The following PXDNL variants were observed in gnomAD, a reference collection of about 807,000 sequenced individuals.
PXDNL encodes the protein peroxidasin like.
In PXDNL, 145 loss-of-function variants were observed where a neutral mutation model predicts 150.8. The observed-to-expected ratio is 0.96, with a 90% confidence interval of 0.84 to 1.10. The LOEUF is 1.10. Ranked by LOEUF, PXDNL falls within the 50% of genes least tolerant of loss-of-function variation. PXDNL has a pLI of 0.00. For missense variants in PXDNL, 2,087 were observed against 1,873.9 expected, an observed-to-expected ratio of 1.11 and a Z score of -2.10; for synonymous variants, 757 against 725.7, an observed-to-expected ratio of 1.04 and a Z score of -0.69.
At chr8:51,385,177 T>G (rs1807661411) in intron 17 of PXDNL, among the ~76,000 whole-genome samples, 1 of 152,208 alleles carries the variant, frequency 6.6e-6, no homozygotes, top group Non-Finnish European at 1.5e-5. Context: ...CTTTCTCCAC[T>G]GGTTACATAC....
intron 5 of PXDNL, among the ~76,000 whole-genome samples, chr8:51,495,049 A>AAGGAAAAGAACAGAAATTACAAC (rs1811011843): frequency 6.6e-6 from 1 of 152,222 alleles, no homozygotes; most frequent in Non-Finnish European, 1.5e-5. Context: ...TCCTCAGCAA[A>AAGGAAAAGAACAGAAATTACAAC]AGGAAAAGAA....
chr8:51,475,051 C>G lies in PXDNL; in HGVS notation c.615G>C (p.Gln205His), dbSNP rs1189671068. 3 of 1,613,748 alleles carry G rather than the reference C, an allele frequency of 1.9e-6. No individual in the cohort carries two copies. In the East Asian group the frequency reaches 6.7e-5, roughly 36 times the overall value. ...LQGFAQHGHT[Q>H]AAATCEYPRR... is the part of the protein sequence containing the mutation. ...TGGGATATTCGCAGGTAGCCGCAGCCTGGGTGTGGCCGTGTTGGGCAAAGC... is the reference window on the plus strand; with the variant it reads ...TGGGATATTCGCAGGTAGCCGCAGCGTGGGTGTGGCCGTGTTGGGCAAAGC... The change falls in exon 7 of 23, where the codon CAG becomes CAC. Residue 205 changes from glutamine to histidine, a missense_variant. By Grantham distance (24) the Gln-to-His change is conservative. Coordinates refer to ENST00000356297, the MANE Select transcript of PXDNL (RefSeq NM_144651.5).
At chr8:51,631,139 A>T (rs1364870090) in intron 2 of PXDNL, among the ~76,000 whole-genome samples, 1 of 152,172 alleles carries the variant, frequency 6.6e-6, no homozygotes. Flanking sequence ...AGCAATATGG[A>T]TGGAGTTGGA....
At chr8:51,588,119 C>A (rs768131568) in intron 3 of PXDNL, among the ~76,000 whole-genome samples, 7 of 152,112 alleles carry the variant, frequency 4.6e-5, no homozygotes, top group Non-Finnish European at 1.0e-4. Flanking sequence ...AAACAATAAG[C>A]AGGACATGCC....
intron 19 of PXDNL, among the ~76,000 whole-genome samples, chr8:51,360,239 G>A (rs1445951779): frequency 2.6e-5 from 4 of 152,006 alleles, no homozygotes; most frequent in Non-Finnish European, 1.5e-5. Flanking sequence ...AAATATGCAT[G>A]TACATACCCA....
At chr8:51,755,146 C>T (rs1229603458) in intron 1 of PXDNL, among the ~76,000 whole-genome samples, 1 of 152,058 alleles carries the variant, frequency 6.6e-6, no homozygotes, top group African/African-American at 2.4e-5. Flanking sequence ...GACAAATGGG[C>T]CCCATCCATC....
chr8:51,734,207 T>A (rs1585709508), intron 1 of PXDNL, among the ~76,000 whole-genome samples: 1 of 152,176 alleles, frequency 6.6e-6, no homozygotes, highest in African/African-American at 2.4e-5. Context: ...TCCAAAATTT[T>A]TTATTTTCAA....
In PXDNL at chr8:51,557,025, A is replaced by G. The variant is rs574261422; in HGVS notation, c.309-114T>C. On this transcript the variant is annotated intron_variant, in intron 3 of 22. Coordinates refer to ENST00000356297, the MANE Select transcript of PXDNL (RefSeq NM_144651.5). ...ACCTTAGGAGCTTTGTGGGATGTCC[A>G]TAGATTCTCTAACAATATATAGAAA... The G allele has an allele frequency of 8.5e-4, 535 of 628,654 alleles. 4 individuals carry two copies. In the African/African-American group the frequency reaches 9.2e-3, roughly 11 times the overall value. 38.9% of individuals were successfully genotyped at this position (628,654 alleles called of 1,614,324 possible).
At chr8:51,772,518 G>C (rs2037309556) in intron 1 of PXDNL, among the ~76,000 whole-genome samples, 1 of 152,220 alleles carries the variant, frequency 6.6e-6, no homozygotes, top group South Asian at 2.1e-4. Flanking sequence ...GCTGGGCAGA[G>C]CAGGGAGACA....
At chr8:51,632,727 A>C (rs749364169) in intron 2 of PXDNL, among the ~76,000 whole-genome samples, 1 of 152,224 alleles carries the variant, frequency 6.6e-6, no homozygotes, top group Non-Finnish European at 1.5e-5. Context: ...AAGTAAGTCC[A>C]AAGTATTAAT....
intron 1 of PXDNL, among the ~76,000 whole-genome samples, chr8:51,768,272 T>G (rs1053856148): frequency 2.6e-5 from 4 of 151,128 alleles, no homozygotes; most frequent in African/African-American, 9.7e-5. Flanking sequence ...TTTTTTTTTT[T>G]GTTTTTGCTT....
At chr8:51,607,793 T>G (rs1284285319) in intron 2 of PXDNL, among the ~76,000 whole-genome samples, 6 of 137,140 alleles carry the variant, frequency 4.4e-5, no homozygotes, top group Admixed American at 3.1e-4. Context: ...TGAGCTGAGA[T>G]GGCACCACTG....
chr8:51,425,895 G>T (rs1809087148), intron 13 of PXDNL, among the ~76,000 whole-genome samples: 1 of 151,940 alleles, frequency 6.6e-6, no homozygotes, highest in Non-Finnish European at 1.5e-5. Context: ...ACTCTTCATA[G>T]AGACTGGCAT....
At chr8:51,775,507 A>C (rs2037342614) in intron 1 of PXDNL, among the ~76,000 whole-genome samples, 1 of 152,222 alleles carries the variant, frequency 6.6e-6, no homozygotes, top group Non-Finnish European at 1.5e-5. Flanking sequence ...AGCTGAAGCC[A>C]TGGCAGAAGA....
At chr8:51,320,520 CT>C (rs1413580466) in intron 22 of PXDNL, among the ~76,000 whole-genome samples, 2 of 152,286 alleles carry the variant, frequency 1.3e-5, no homozygotes, top group East Asian at 3.9e-4. Context: ...CTGACATAAA[CT>C]TCCTTAGCCT....
At chr8:51,624,651 T>C (rs1814330084) in intron 2 of PXDNL, among the ~76,000 whole-genome samples, 1 of 148,368 alleles carries the variant, frequency 6.7e-6, no homozygotes, top group Admixed American at 6.8e-5. Flanking sequence ...TTAACATGTC[T>C]TTCTGATGAT....
chr8:51,402,764 T>C (rs1808295674), intron 17 of PXDNL, among the ~76,000 whole-genome samples: 1 of 151,952 alleles, frequency 6.6e-6, no homozygotes, highest in Non-Finnish European at 1.5e-5. Context: ...TTAGAAACAA[T>C]AAAAAGAAAC....
At chr8:51,526,470 C>T (rs1811773508) in intron 4 of PXDNL, among the ~76,000 whole-genome samples, 1 of 152,032 alleles carries the variant, frequency 6.6e-6, no homozygotes, top group African/African-American at 2.4e-5. Flanking sequence ...GTTATACAGC[C>T]ATCTAGAAGC....
In PXDNL at chr8:51,428,248, T is replaced by C. The variant is rs1809161785; in HGVS notation, c.1526-1490A>G. On this transcript the variant is annotated intron_variant, in intron 12 of 22. Transcript: ENST00000356297. ...AAAAAAATGAATAAGCATATATGCA[T>C]GGATTGAAAGTCTAAAGACAGTAAA... 2.0e-5 allele frequency among the ~76,000 whole-genome samples: 3 copies of C among 152,218 alleles called. No homozygotes were observed. In the South Asian group the frequency reaches 6.2e-4, roughly 31 times the overall value.
Sources: allele counts gnomAD v4.1 joint callset (sites outside exome capture counted in the v4.1 genomes callset), GRCh38; gene constraint gnomAD v4.1.1; transcripts MANE v1.5; gene names NCBI Gene and HGNC (gene_info 2026-07-23, HGNC 2026-07-21).